Variants in GK observed in about 807,000 individuals in gnomAD.
GK encodes the protein ATP:glycerol 3-phosphotransferase.
Under a neutral mutation model 56.4 loss-of-function variants are expected in GK, and 9 were observed. The ratio of observed to expected loss-of-function variants is 0.16; its 90% CI spans 0.10 to 0.28. The LOEUF is 0.28. Among genes scored for constraint, GK ranks in the 10% least tolerant of loss-of-function variants. The probability of loss-of-function intolerance (pLI) is 1.00; values close to 1 mark genes in which losing one functional copy is unlikely to be tolerated. For missense variants in GK, 161 were observed against 431.4 expected (o/e 0.37, Z 5.55); for synonymous variants, 104 against 144.1 (o/e 0.72, Z 1.99).
At chrX:30,708,706 G>A (rs188204198) in intron 13 of GK, among the ~76,000 whole-genome samples, 46 of 111,975 alleles carry the variant, frequency 4.1e-4, no homozygotes, top group African/African-American at 1.3e-3. Flanking sequence ...TGGTAAGTTA[G>A]TGTTAGAAAT....
intron 13 of GK, among the ~76,000 whole-genome samples, chrX:30,709,336 T>C (rs768485238): frequency 8.9e-6 from 1 of 111,794 alleles, no homozygotes; most frequent in Admixed American, 9.5e-5. Context: ...TGAAAAACCT[T>C]CTCCTGTCTC....
intron 4 of GK, among the ~76,000 whole-genome samples, chrX:30,683,811 G>A (rs764098423): frequency 8.9e-6 from 1 of 112,300 alleles, no homozygotes; most frequent in Non-Finnish European, 1.9e-5. Flanking sequence ...CAGCCACTGT[G>A]CCATGATGCA....
At chrX:30,721,576 T>C (rs1405139171) in intron 18 of GK, 1 of 118,116 alleles carries the variant, frequency 8.5e-6, no homozygotes, top group Non-Finnish European at 1.7e-5. Flanking sequence ...AGTGCTGGGA[T>C]TACAGGCGTG....
At chrX:30,694,254 C>T in intron 5 of GK, 146 bp from the exon 6 acceptor site, 1 of 542,998 alleles carries the variant, frequency 1.8e-6, no homozygotes, top group Non-Finnish European at 3.2e-6. Flanking sequence ...TGCCATGAGA[C>T]AGGAAAAGTA....
chrX:30,689,203 A>T (rs895535630), intron 4 of GK, among the ~76,000 whole-genome samples: 2 of 111,913 alleles, frequency 1.8e-5, no homozygotes, highest in African/African-American at 6.5e-5. Context: ...AACTTTTCTA[A>T]TTCTTCTACT....
chrX:30,695,866 G>C (rs1248849992), intron 6 of GK, among the ~76,000 whole-genome samples, 176 bp from the exon 7 acceptor site: 2 of 112,592 alleles, frequency 1.8e-5, no homozygotes, highest in African/African-American at 3.2e-5. Context: ...ATTGAGGTTT[G>C]CTGTAAGCAT....
chrX:30,678,639 A>G (rs925756113), intron 4 of GK, among the ~76,000 whole-genome samples: 1 of 108,809 alleles, frequency 9.2e-6, no homozygotes, highest in Non-Finnish European at 1.9e-5. Context: ...AATTACAACT[A>G]AAGATCCTTT....
At chrX:30,657,334 T>C (rs1313075519) in intron 1 of GK, among the ~76,000 whole-genome samples, 2 of 112,279 alleles carry the variant, frequency 1.8e-5, no homozygotes, top group African/African-American at 3.2e-5. Context: ...AAGCGGAAAA[T>C]TTCCAACTTA....
intron 18 of GK, 81 bp from the exon 19 acceptor site, chrX:30,724,020 T>C (rs1477813821): frequency 6.6e-6 from 4 of 605,823 alleles, no homozygotes; most frequent in Admixed American, 2.6e-5. Context: ...GTCAAGAATG[T>C]TGAGTGATCA....
At chrX:30,696,735 C>CA (rs760953179) in intron 8 of GK, 52 bp downstream of exon 8, 494 of 886,487 alleles carry the variant, frequency 5.6e-4, no homozygotes, top group South Asian at 6.7e-4. Flanking sequence ...AAAAAACAAA[C>CA]AAAAAAAAAC....
In GK at chrX:30,729,992, C is replaced by T. The variant is rs918765518; in HGVS notation, c.*1250C>T. On this transcript the variant is annotated 3_prime_UTR_variant, in exon 21 of 21. Coordinates refer to ENST00000427190, the MANE Select transcript of GK (RefSeq NM_001205019.2). Reference sequence around the variant, plus strand: ...TCAATTGTTAATAAGAAATTGCTATCTGGGATGACAGAATTACCTCTGCTT... The same window carrying T: ...TCAATTGTTAATAAGAAATTGCTATTTGGGATGACAGAATTACCTCTGCTT... The T allele has an allele frequency of 4.5e-5, 5 of 111,947 alleles. No individual in the cohort carries two copies. Among genetic ancestry groups the T allele is most frequent in the African/African-American group, 1.6e-4 (5 of 30,857 alleles). 9.2% of individuals were successfully genotyped at this position (111,947 alleles called of 1,213,427 possible).
At position 30,730,123 on chromosome X, in the gene GK, A is replaced by T. The variant is rs1228771990; in HGVS notation, c.*1381A>T. ...GTCACATATTATAAGAAGTTACCTA[A>T]TCCTGCTTCTTAACATCAATTTTTA... On this transcript the variant is annotated 3_prime_UTR_variant, in exon 21 of 21. Transcript: ENST00000427190. 1 of 112,386 alleles carries T rather than the reference A, an allele frequency of 8.9e-6. No individual in the cohort carries two copies. Among genetic ancestry groups the T allele is most frequent in the Non-Finnish European group, 1.9e-5 (1 of 53,267 alleles). The allele number at this position is 112,386 out of a possible 1,213,427, so 9.3% of individuals were successfully genotyped here.
intron 9 of GK, 79 bp from the exon 10 acceptor site, chrX:30,700,335 G>C: frequency 1.6e-6 from 1 of 624,200 alleles, no homozygotes; most frequent in Non-Finnish European, 2.7e-6. Context: ...ATTGCTACTT[G>C]TGTTCACTCT....
intron 13 of GK, among the ~76,000 whole-genome samples, chrX:30,714,279 G>A (rs1374658831): frequency 8.9e-6 from 1 of 111,801 alleles, no homozygotes; most frequent in African/African-American, 3.3e-5. Context: ...CACATTTATT[G>A]TTTCTCAGTT....
At chrX:30,703,271 A>G (rs1401050756) in intron 11 of GK, among the ~76,000 whole-genome samples, 1 of 112,055 alleles carries the variant, frequency 8.9e-6, no homozygotes, top group Non-Finnish European at 1.9e-5. Flanking sequence ...ATTTCAGGCT[A>G]AGGAGCTTTT....
At position 30,683,435 on chromosome X, in the gene GK, C is replaced by T. The variant is rs778070786; in HGVS notation, c.337+5983C>T. Among the ~76,000 whole-genome samples, 124 of 111,078 alleles carry T rather than the reference C, an allele frequency of 1.1e-3. 1 individual carries two copies. Among genetic ancestry groups the T allele is most frequent in the African/African-American group, 3.3e-3 (102 of 30,527 alleles). ...CTTTTTAAAAACTTCTATGTGGCCT[C>T]CTTTGTTTATGGCTCAGGGACACTT... On this transcript the variant is annotated intron_variant, in intron 4 of 20. Transcript: ENST00000427190.
chrX:30,687,060 C>T (rs1934658506), intron 4 of GK, among the ~76,000 whole-genome samples: 1 of 111,233 alleles, frequency 9.0e-6, no homozygotes. Context: ...TTCTTGGGGA[C>T]CTGCCTTCCC....
At chrX:30,725,856 T>C (rs1937105496) in intron 19 of GK, among the ~76,000 whole-genome samples, 1 of 110,148 alleles carries the variant, frequency 9.1e-6, no homozygotes, top group African/African-American at 3.3e-5. Flanking sequence ...GGTTTCACCA[T>C]CTTGGCCAGG....
chrX:30,724,475 GAA>G (rs75486718), intron 19 of GK, among the ~76,000 whole-genome samples: 23 of 105,781 alleles, frequency 2.2e-4, no homozygotes, highest in South Asian at 4.2e-4. Context: ...TCTTCTTAAT[GAA>G]AAAAAAAAAT....
Sources: allele counts gnomAD v4.1 joint callset (sites outside exome capture counted in the v4.1 genomes callset), GRCh38; gene constraint gnomAD v4.1.1; transcripts MANE v1.5; gene names NCBI Gene and HGNC (gene_info 2026-07-23, HGNC 2026-07-21).